IGF2: variants seen among roughly 807,000 people sequenced by gnomAD.
IGF2 encodes the protein insulin like growth factor 2.
A neutral mutation model predicts 12.0 loss-of-function variants in IGF2; 2 were observed. The ratio of observed to expected loss-of-function variants is 0.17; its 90% CI spans 0.07 to 0.52. IGF2 has a LOEUF of 0.52. IGF2 is among the 20% of genes least tolerant of loss of function. The pLI is 0.95. For missense variants in IGF2, 211 were observed against 268.0 expected (o/e 0.79, Z 1.48); for synonymous variants, 105 against 110.1 (o/e 0.95, Z 0.29).
At position 2,129,458 on chromosome 11, in the gene IGF2, G is replaced by A. The variant is rs753848645; in HGVS notation, c.*3529C>T. The stretch of plus-strand genomic sequence containing the variant: ...AGGGGAGAGCTGCAAACCTGGGGAC[G>A]CAAGGGGCTGGTCGGCAAGTGCCCC... On this transcript the variant is annotated 3_prime_UTR_variant, in exon 4 of 4. Coordinates refer to ENST00000416167, the MANE Select transcript of IGF2 (RefSeq NM_000612.6). The surrounding 1 kb of genome is among the most constrained non-coding windows in gnomAD (Gnocchi z 8.1). The A allele has an allele frequency of 1.8e-4, 41 of 229,358 alleles. No individual in the cohort carries two copies. Among genetic ancestry groups the A allele is most frequent in the Non-Finnish European group, 2.9e-4 (33 of 115,586 alleles). The allele number at this position is 229,358 out of a possible 1,614,324, so 14.2% of individuals were successfully genotyped here.
In IGF2 at chr11:2,138,449, C is replaced by A; in HGVS notation, c.-227G>T. On this transcript the variant is annotated 5_prime_UTR_variant, in exon 1 of 4. Coordinates refer to ENST00000416167, the MANE Select transcript of IGF2 (RefSeq NM_000612.6). ...AGGACGGGCTGTCTTCGGGCTGGGG[C>A]GGGCCAGATGTTGTACTTTTCGGGG... The A allele has an allele frequency of 1.2e-6, 1 of 868,406 alleles. No homozygotes were observed. The highest frequency in any genetic ancestry group is 6.0e-4 in the Middle Eastern group (1 of 1,670). The allele number at this position is 868,406 out of a possible 1,614,324, so 53.8% of individuals were successfully genotyped here. A position where few individuals can be genotyped will look rare whatever the true frequency, so the allele number is the denominator to read the frequency against.
chr11:2,136,065 G>A (rs977702499), intron 1 of IGF2, among the ~76,000 whole-genome samples: 6 of 152,212 alleles, frequency 3.9e-5, no homozygotes, highest in Admixed American at 6.5e-5. Context: ...GAGGACCATC[G>A]CCCTCAAAGC....
At position 2,129,573 on chromosome 11, in the gene IGF2, GTT is replaced by G. The variant is rs1858394665; in HGVS notation, c.*3412_*3413del. The G allele has an allele frequency of 4.4e-6, 1 of 228,884 alleles. No individual in the cohort carries two copies. Among genetic ancestry groups the G allele is most frequent in the African/African-American group, 2.2e-5 (1 of 45,048 alleles). The allele number at this position is 228,884 out of a possible 1,614,324, so 14.2% of individuals were successfully genotyped here. ...CAGGTAATTTGGGGTGCCTCGAAGC[GTT>G]TTGGATCTCAGGCCAATGTGGGTTC... On this transcript the variant is annotated 3_prime_UTR_variant, in exon 4 of 4. Coordinates refer to ENST00000416167, the MANE Select transcript of IGF2 (RefSeq NM_000612.6). The surrounding 1 kb of genome is among the most constrained non-coding windows in gnomAD (Gnocchi z 8.1).
In IGF2 at chr11:2,133,328, G is replaced by A; in HGVS notation, c.307-105C>T. ...CACCCCTGTGACTGATCAGTGACTT[G>A]AGCTAATGTCCACGGGCAGAGGGAC... On this transcript the variant is annotated intron_variant, in intron 3 of 3. Transcript: ENST00000416167. This position sits in a 1 kb window ranked among gnomAD's most constrained non-coding sequence, Gnocchi z 8.9. 9.8e-7 allele frequency: 1 copy of A among 1,024,668 alleles called. No individual in the cohort carries two copies. The allele number at this position is 1,024,668 out of a possible 1,614,324, so 63.5% of individuals were successfully genotyped here.
upstream of IGF2, chr11:2,140,076 G>C (rs1214648395): frequency 3.3e-5 from 51 of 1,559,482 alleles, no homozygotes; most frequent in Non-Finnish European, 4.0e-5. Context: ...TGGAGCCTAC[G>C]GAGGCTCCGG....
rs748891623 is a variant in IGF2 at position 2,133,706 on chromosome 11, C to T, written c.158-41G>A. On this transcript the variant is annotated intron_variant, in intron 2 of 3. Transcript: ENST00000416167. The surrounding 1 kb of genome is among the most constrained non-coding windows in gnomAD (Gnocchi z 8.9). ...CACAGAGAGAGCCGTGTTAGCACCG[C>T]ACTGACCCCAGCCCCCGGAGGCTGA... is the stretch of plus-strand genomic sequence containing the variant. The T allele has an allele frequency of 6.2e-7, 1 of 1,607,366 alleles. No individual in the cohort carries two copies. The highest frequency in any genetic ancestry group is 2.2e-5 in the East Asian group (1 of 44,516).
At chr11:2,146,682 G>A in the IGF2 span, 21 of 288,614 alleles carry the variant, frequency 7.3e-5, no homozygotes, top group African/African-American at 2.6e-4. Flanking sequence ...GAACACTCCC[G>A]GCTTCTATCT....
upstream of IGF2, among the ~76,000 whole-genome samples, chr11:2,145,812 T>TG (rs1297383094): frequency 2.0e-5 from 3 of 152,018 alleles, no homozygotes; most frequent in Non-Finnish European, 4.4e-5. Context: ...GGCTGGAGGC[T>TG]GGGGCAGACG....
At chr11:2,142,626 T>A (rs768341707), upstream of IGF2, among the ~76,000 whole-genome samples, 8 of 152,236 alleles carry the variant, frequency 5.3e-5, no homozygotes, top group Non-Finnish European at 8.8e-5. The surrounding 1 kb of genome is among the most constrained non-coding windows in gnomAD (Gnocchi z 5.7). Context: ...TCCAGTGTGA[T>A]CCTGGCCGTT....
At chr11:2,146,242 C>G in the IGF2 span, 1 of 531,880 alleles carries the variant, frequency 1.9e-6, no homozygotes, top group East Asian at 5.4e-5. Flanking sequence ...ATTTCCTCCC[C>G]AGCTCTGGCT....
chr11:2,129,192 G>A lies in IGF2; in HGVS notation c.*3795C>T, dbSNP rs575634705. 86 of 193,328 alleles carry A rather than the reference G, an allele frequency of 4.4e-4. No homozygotes were observed. Among genetic ancestry groups the A allele is most frequent in the South Asian group, 7.7e-4 (4 of 5,172 alleles). 12.0% of individuals were successfully genotyped at this position (193,328 alleles called of 1,614,324 possible). A position where few individuals can be genotyped will look rare whatever the true frequency, so the allele number is the denominator to read the frequency against. On this transcript the variant is annotated 3_prime_UTR_variant, in exon 4 of 4. Transcript: ENST00000416167. This position sits in a 1 kb window ranked among gnomAD's most constrained non-coding sequence, Gnocchi z 8.1. ...CAAAACCCAAGCATGGGATTTTGCC[G>A]GAAATATTAGCGTTAAAGGAGTTGA...
chr11:2,134,817 G>C (rs1858881197), intron 2 of IGF2, among the ~76,000 whole-genome samples: 1 of 152,210 alleles, frequency 6.6e-6, no homozygotes, highest in Admixed American at 6.5e-5. Flanking sequence ...AAGCGTCCTT[G>C]AGGTCAGCAG....
the IGF2 span, chr11:2,147,671 TGGGCTCTCTGGCCTGCTG>T: frequency 8.0e-7 from 1 of 1,250,472 alleles, no homozygotes; most frequent in Non-Finnish European, 1.0e-6. The surrounding 1 kb of genome is among the most constrained non-coding windows in gnomAD (Gnocchi z 7.2). Context: ...ACCTCAGGAC[TGGGCTCTCTGGCCTGCTG>T]GGGCTCAGGC....
Position 2,132,226 on chromosome 11 carries a change from C to T in IGF2, c.*761G>A. 1 of 204,868 alleles carries T rather than the reference C, an allele frequency of 4.9e-6. No homozygotes were observed. The highest frequency in any genetic ancestry group is 7.3e-5 in the East Asian group (1 of 13,632). 12.7% of individuals were successfully genotyped at this position (204,868 alleles called of 1,614,324 possible). ...ATGGATTTTGGTTTTCATGCTCTGT[C>T]CTCCCCTCCTTTGGTCTTACTGGGT... On this transcript the variant is annotated 3_prime_UTR_variant, in exon 4 of 4. Coordinates refer to ENST00000416167, the MANE Select transcript of IGF2 (RefSeq NM_000612.6).
rs1033250396 is a variant in IGF2 at position 2,138,704 on chromosome 11, G to C, written c.-482C>G. On this transcript the variant is annotated 5_prime_UTR_variant, in exon 1 of 4. Transcript: ENST00000416167. ...GGCGAAGGCGAGAGGGCGGGCGTGA[G>C]GGGGGGAGGGAGTCGGAGGCTAGGA... 2 of 749,678 alleles carry C rather than the reference G, an allele frequency of 2.7e-6. No individual in the cohort carries two copies. Among genetic ancestry groups the C allele is most frequent in the Non-Finnish European group, 3.2e-6 (2 of 619,510 alleles). 46.4% of individuals were successfully genotyped at this position (749,678 alleles called of 1,614,324 possible).
chr11:2,129,717 G>A lies in IGF2; in HGVS notation c.*3270C>T, dbSNP rs546917658. 5 of 231,806 alleles carry A rather than the reference G, an allele frequency of 2.2e-5. No homozygotes were observed. The highest frequency in any genetic ancestry group is 6.1e-5 in the East Asian group (1 of 16,428). 14.4% of individuals were successfully genotyped at this position (231,806 alleles called of 1,614,324 possible). A position where few individuals can be genotyped will look rare whatever the true frequency, so the allele number is the denominator to read the frequency against. ...AGGCGGACTGGCATGGACGACCCCC[G>A]GGGTCATGCCAGCCCCGTCACCAGG... On this transcript the variant is annotated 3_prime_UTR_variant, in exon 4 of 4. Coordinates refer to ENST00000416167, the MANE Select transcript of IGF2 (RefSeq NM_000612.6). This position sits in a 1 kb window ranked among gnomAD's most constrained non-coding sequence, Gnocchi z 8.1.
At chr11:2,144,648 T>C (rs1008963836), upstream of IGF2, among the ~76,000 whole-genome samples, 3 of 152,210 alleles carry the variant, frequency 2.0e-5, no homozygotes, top group Non-Finnish European at 4.4e-5. Context: ...CCCAGTTCCT[T>C]ATAGGCAAAT....
rs980331479 is a variant in IGF2, at chr11:2,133,067, GA to G, written c.462del (p.His155ThrfsTer4). On this transcript the variant is annotated frameshift_variant, in exon 4 of 4. Transcript: ENST00000416167. LOFTEE classifies it high-confidence loss of function. This position sits in a 1 kb window ranked among gnomAD's most constrained non-coding sequence, Gnocchi z 8.9. Reference protein sequence around the residue: ...KELEAFREAKRHRPLIALPTQ... With the variant: ...KELEAFREAKXHRPLIALPTQ... ...GTGGGTAGAGCAATCAGGGGACGGTGACGTTTGGCCTCCCTGAACGCCTCGA... is the reference window on the plus strand; with the variant it reads ...GTGGGTAGAGCAATCAGGGGACGGTGCGTTTGGCCTCCCTGAACGCCTCGA... 5 of 1,605,852 alleles carry G rather than the reference GA, an allele frequency of 3.1e-6. No homozygotes were observed. In the African/African-American group the frequency reaches 6.7e-5, roughly 22 times the overall value.
upstream of IGF2, among the ~76,000 whole-genome samples, chr11:2,143,504 G>C (rs989327520): frequency 1.6e-4 from 25 of 152,174 alleles, no homozygotes; most frequent in Non-Finnish European, 1.6e-4. Context: ...CACATCCTGG[G>C]GAGCCAGGCA....
Sources: allele counts gnomAD v4.1 joint callset (sites outside exome capture counted in the v4.1 genomes callset), GRCh38; gene constraint gnomAD v4.1.1; non-coding constraint Gnocchi (gnomAD v3.1); transcripts MANE v1.5; gene names NCBI Gene and HGNC (gene_info 2026-07-23, HGNC 2026-07-21).